GPD1L: variants seen among roughly 807,000 people sequenced by gnomAD.
GPD1L encodes glycerol-3-phosphate dehydrogenase 1-like protein.
In GPD1L, 17 loss-of-function variants were observed where a neutral mutation model predicts 32.9. That is an observed-to-expected ratio of 0.52 (90% confidence interval 0.35 to 0.78). The LOEUF (loss-of-function observed/expected upper bound fraction) is 0.78, where lower values mean the gene tolerates loss of function less well. Among genes scored for constraint, GPD1L ranks in the 30% least tolerant of loss-of-function variants. GPD1L has a pLI of 0.01. For synonymous variants in GPD1L, 187 were observed against 165.9 expected, an observed-to-expected ratio of 1.13 and a Z score of -0.98; for missense variants, 361 against 447.8, an observed-to-expected ratio of 0.81 and a Z score of 1.75.
chr3:32,129,956 G>A (rs145379959), intron 2 of GPD1L, among the ~76,000 whole-genome samples: 190 of 152,146 alleles, frequency 1.2e-3, no homozygotes, highest in African/African-American at 4.4e-3. Flanking sequence ...CCTGCCTGGC[G>A]CCAGTCCCTT....
rs370929472 is a variant in GPD1L, at chr3:32,133,406, A to T, written c.225+5153A>T. ...AAGATTCATGGATTTTAGGGGGAAAAGTCTTCATTTGAATAACAGGAAAAT... is the reference window on the plus strand; with the variant it reads ...AAGATTCATGGATTTTAGGGGGAAATGTCTTCATTTGAATAACAGGAAAAT... On this transcript the variant is annotated intron_variant, in intron 2 of 7. Transcript: ENST00000282541. 1.8e-4 allele frequency among the ~76,000 whole-genome samples: 28 copies of T among 152,314 alleles called. 1 individual carries two copies. The East Asian group carries it at 3.5e-3, about 19-fold the overall frequency.
chr3:32,153,448 T>C (rs1016768685), intron 5 of GPD1L, among the ~76,000 whole-genome samples: 2 of 152,224 alleles, frequency 1.3e-5, no homozygotes, highest in African/African-American at 2.4e-5. Flanking sequence ...ATTTCTATCA[T>C]TGCAGAAACT....
chr3:32,135,451 T>G (rs1700649237), intron 2 of GPD1L, among the ~76,000 whole-genome samples: 1 of 150,048 alleles, frequency 6.7e-6, no homozygotes, highest in Non-Finnish European at 1.5e-5. Flanking sequence ...TTTTTTTGTT[T>G]GTTTTGTTTT....
At chr3:32,157,443 T>C (rs1055067667) in intron 5 of GPD1L, among the ~76,000 whole-genome samples, 1 of 152,138 alleles carries the variant, frequency 6.6e-6, no homozygotes, top group Non-Finnish European at 1.5e-5. Flanking sequence ...CTCTCATCTT[T>C]GCAGCTCTCC....
chr3:32,159,064 A>G lies in GPD1L; in HGVS notation c.807A>G (p.Gly269=), dbSNP rs1166396331. Residue 269 remains glycine (G), a synonymous_variant, in exon 6 of 8, where the codon GGA becomes GGG. Transcript: ENST00000282541. The stretch of plus-strand genomic sequence containing the variant: ...CCGACCTGATCACCACCTGTTACGG[A>G]GGGCGGAACCGCAGGGTGGCCGAGG... The part of the protein sequence containing the change: ...GVADLITTCY[G]GRNRRVAEAF... 4 of 1,613,694 alleles carry G rather than the reference A, an allele frequency of 2.5e-6. No individual in the cohort carries two copies. The highest frequency in any genetic ancestry group is 3.4e-6 in the Non-Finnish European group (4 of 1,180,018).
chr3:32,138,043 G>A (rs1279480797), intron 2 of GPD1L, among the ~76,000 whole-genome samples: 1 of 152,214 alleles, frequency 6.6e-6, no homozygotes, highest in African/African-American at 2.4e-5. Context: ...TGGCAGCAGG[G>A]ACAGCTGTGG....
chr3:32,159,559 G>A lies in GPD1L; in HGVS notation c.853-9G>A. On this transcript the variant is annotated splice_polypyrimidine_tract_variant and intron_variant, in intron 6 of 7. Coordinates refer to ENST00000282541, the MANE Select transcript of GPD1L (RefSeq NM_015141.4). ...AGTTTTTTTAAATATATAATCCTTT[G>A]TTTTTAAGACCATTGAAGAGTTGGA... The A allele has an allele frequency of 3.3e-6, 5 of 1,496,002 alleles. No individual in the cohort carries two copies. The highest frequency in any genetic ancestry group is 4.7e-6 in the Non-Finnish European group (5 of 1,073,154). 92.7% of individuals were successfully genotyped at this position (1,496,002 alleles called of 1,614,324 possible).
intron 1 of GPD1L, among the ~76,000 whole-genome samples, chr3:32,112,560 C>A (rs1700267904): frequency 6.6e-6 from 1 of 152,118 alleles, no homozygotes; most frequent in African/African-American, 2.4e-5. Flanking sequence ...TCACTTGAGC[C>A]CAGGAGGCAA....
chr3:32,153,613 A>G (rs1056108436), intron 5 of GPD1L, among the ~76,000 whole-genome samples: 2 of 152,206 alleles, frequency 1.3e-5, no homozygotes, highest in East Asian at 1.9e-4. Flanking sequence ...CCTTGCCTTT[A>G]GTAATCCCAA....
intron 2 of GPD1L, among the ~76,000 whole-genome samples, chr3:32,134,199 A>G (rs952451474): frequency 6.6e-6 from 1 of 152,226 alleles, no homozygotes; most frequent in Admixed American, 6.5e-5. Context: ...TTTATTCTGA[A>G]AGATGAGATT....
chr3:32,112,120 G>C (rs2035548), intron 1 of GPD1L, among the ~76,000 whole-genome samples: 2 of 151,942 alleles, frequency 1.3e-5, no homozygotes, highest in East Asian at 3.9e-4. Flanking sequence ...AAGTTTGTAC[G>C]GCTTTTTAAA....
intron 5 of GPD1L, among the ~76,000 whole-genome samples, chr3:32,153,290 CA>C (rs1487772325): frequency 1.2e-4 from 18 of 152,152 alleles, no homozygotes; most frequent in African/African-American, 4.3e-4. Flanking sequence ...ACATGCTAGC[CA>C]CTAGACATAT....
In GPD1L at chr3:32,168,051, A is replaced by C. The variant is rs1701173300; in HGVS notation, c.*2141A>C. 1 of 152,134 alleles carries C rather than the reference A, an allele frequency of 6.6e-6. No individual in the cohort carries two copies. The highest frequency in any genetic ancestry group is 2.4e-5 in the African/African-American group (1 of 41,408). 9.4% of individuals were successfully genotyped at this position (152,134 alleles called of 1,614,324 possible). A position where few individuals can be genotyped will look rare whatever the true frequency, so the allele number is the denominator to read the frequency against. On this transcript the variant is annotated 3_prime_UTR_variant, in exon 8 of 8. Coordinates refer to ENST00000282541, the MANE Select transcript of GPD1L (RefSeq NM_015141.4). Reference sequence around the variant, plus strand: ...AGCATAATGAGATGTGAGGAGTTGGAACTTTGCGTGTTTTGCGTATTTTCA... The same window carrying C: ...AGCATAATGAGATGTGAGGAGTTGGCACTTTGCGTGTTTTGCGTATTTTCA...
At position 32,163,161 on chromosome 3, in the gene GPD1L, C is replaced by CTTTT. The variant is rs34385950; in HGVS notation, c.960-2631_960-2628dup. On this transcript the variant is annotated intron_variant, in intron 7 of 7. Transcript: ENST00000282541. ...GGGATAGCTGGCTGACTGGTTTGTC[C>CTTTT]TTTTTTTTTTTTTTTTTTTTTTTTT... 1.7e-3 allele frequency among the ~76,000 whole-genome samples: 131 copies of CTTTT among 78,052 alleles called. 3 individuals are homozygous for CTTTT. Among genetic ancestry groups the CTTTT allele is most frequent in the African/African-American group, 4.4e-3 (84 of 19,076 alleles). The allele number at this position is 78,052 out of a possible 152,430, so 51.2% of individuals were successfully genotyped here.
intron 2 of GPD1L, among the ~76,000 whole-genome samples, chr3:32,131,565 T>C (rs1189360311): frequency 6.6e-6 from 1 of 152,204 alleles, no homozygotes; most frequent in Non-Finnish European, 1.5e-5. Context: ...TCCATCCATG[T>C]TGTAGCATGT....
At chr3:32,144,896 A>T (rs1210562768) in intron 4 of GPD1L, among the ~76,000 whole-genome samples, 2 of 151,436 alleles carry the variant, frequency 1.3e-5, no homozygotes, top group African/African-American at 4.8e-5. Context: ...TAGAGATGGG[A>T]TTTCGCCATG....
chr3:32,122,070 C>T (rs1046586218), intron 1 of GPD1L, among the ~76,000 whole-genome samples: 1 of 152,228 alleles, frequency 6.6e-6, no homozygotes, highest in East Asian at 1.9e-4. Flanking sequence ...TGCGCAGCAG[C>T]ACAGTTACAT....
chr3:32,150,834 A>G (rs1700908653), intron 5 of GPD1L, among the ~76,000 whole-genome samples: 1 of 152,158 alleles, frequency 6.6e-6, no homozygotes, highest in African/African-American at 2.4e-5. Flanking sequence ...TCATCCTTGT[A>G]ATCCCAGCAC....
At chr3:32,125,540 T>C (rs1700494220) in intron 1 of GPD1L, among the ~76,000 whole-genome samples, 1 of 152,126 alleles carries the variant, frequency 6.6e-6, no homozygotes, top group African/African-American at 2.4e-5. Context: ...CTGTCCATTA[T>C]GGTTCTCTTA....
Sources: allele counts gnomAD v4.1 joint callset (sites outside exome capture counted in the v4.1 genomes callset), GRCh38; gene constraint gnomAD v4.1.1; transcripts MANE v1.5; gene names NCBI Gene and HGNC (gene_info 2026-07-23, HGNC 2026-07-21).